The following EPHA3 variants were observed in gnomAD, a reference collection of about 807,000 sequenced individuals.
EPHA3 encodes EPH receptor A3.
A neutral mutation model predicts 107.1 loss-of-function variants in EPHA3; 42 were observed. That is an observed-to-expected ratio of 0.39 (90% CI 0.31 to 0.51). The LOEUF (loss-of-function observed/expected upper bound fraction) is 0.51. Among genes scored for constraint, EPHA3 ranks in the 20% least tolerant of loss-of-function variants. EPHA3 has a pLI of 0.78. For missense variants in EPHA3, 1,183 were observed against 1,211.2 expected (o/e 0.98, Z 0.35); for synonymous variants, 461 against 424.8 (o/e 1.09, Z -1.05).
At chr3:89,383,906 C>G (rs929887269) in intron 5 of EPHA3, among the ~76,000 whole-genome samples, 3 of 151,936 alleles carry the variant, frequency 2.0e-5, no homozygotes, top group Admixed American at 6.6e-5. Context: ...CCTCGGCCCC[C>G]CAAAGTGCTG....
At position 89,181,423 on chromosome 3, in the gene EPHA3, G is replaced by A. The variant is rs547481194; in HGVS notation, c.154-28437G>A. On this transcript the variant is annotated intron_variant, in intron 2 of 16. Coordinates refer to ENST00000336596, the MANE Select transcript of EPHA3 (RefSeq NM_005233.6). ...GTCACATAGCTCAGTTTTGTACACTGATTAAAATATTTGAGAAGCCAGGCA... is the reference window on the plus strand; with the variant it reads ...GTCACATAGCTCAGTTTTGTACACTAATTAAAATATTTGAGAAGCCAGGCA... Among the ~76,000 whole-genome samples, 11 of 151,930 alleles carry A rather than the reference G, an allele frequency of 7.2e-5. No individual in the cohort carries two copies. The South Asian group carries it at 2.1e-3, about 29-fold the overall frequency.
intron 2 of EPHA3, 71 bp downstream of exon 2, chr3:89,127,344 G>A (rs970236954): frequency 2.5e-6 from 3 of 1,221,796 alleles, no homozygotes; most frequent in African/African-American, 3.0e-5. Context: ...TGAATTTATT[G>A]TATTCTCTAA....
chr3:89,427,892 G>T (rs182373434), intron 11 of EPHA3, among the ~76,000 whole-genome samples: 20 of 151,564 alleles, frequency 1.3e-4, no homozygotes, highest in African/African-American at 4.6e-4. Flanking sequence ...TTATATCAAA[G>T]CATCCTTTTT....
intron 13 of EPHA3, among the ~76,000 whole-genome samples, chr3:89,446,346 A>T (rs1709875512): frequency 6.6e-6 from 1 of 152,174 alleles, no homozygotes; most frequent in Non-Finnish European, 1.5e-5. Flanking sequence ...CAACAGAGCA[A>T]AAGAGGATTC....
intron 2 of EPHA3, among the ~76,000 whole-genome samples, chr3:89,160,592 G>A (rs1028405998): frequency 6.7e-5 from 10 of 149,394 alleles, no homozygotes; most frequent in African/African-American, 1.5e-4. Context: ...GTGTGTGTGC[G>A]CGCATTCTTT....
chr3:89,379,626 C>T (rs9864984), intron 5 of EPHA3, among the ~76,000 whole-genome samples: 47,925 of 151,964 alleles, frequency 0.32, 8,545 homozygotes, highest in African/African-American at 0.48. Flanking sequence ...AGTTAGAAAA[C>T]AAAGACTGTG....
At chr3:89,418,778 C>T (rs1709299275) in intron 10 of EPHA3, among the ~76,000 whole-genome samples, 1 of 151,234 alleles carries the variant, frequency 6.6e-6, no homozygotes. Flanking sequence ...CCATATTGGC[C>T]CTCGGTAAAA....
At chr3:89,145,218 A>G (rs930710633) in intron 2 of EPHA3, among the ~76,000 whole-genome samples, 4 of 151,704 alleles carry the variant, frequency 2.6e-5, no homozygotes, top group African/African-American at 9.7e-5. Flanking sequence ...TTTATTTTCT[A>G]TAATTCAAAC....
intron 5 of EPHA3, among the ~76,000 whole-genome samples, chr3:89,384,521 A>G (rs1196911426): frequency 6.6e-6 from 1 of 152,178 alleles, no homozygotes; most frequent in African/African-American, 2.4e-5. Context: ...ATTTTTCTAA[A>G]ACGTTTAGGC....
Position 89,107,638 on chromosome 3 carries a change from CA to C in EPHA3, c.-110del. 1 of 1,013,890 alleles carries C rather than the reference CA, an allele frequency of 9.9e-7. No homozygotes were observed. The highest frequency in any genetic ancestry group is 1.5e-6 in the Non-Finnish European group (1 of 663,610). The allele number at this position is 1,013,890 out of a possible 1,614,324, so 62.8% of individuals were successfully genotyped here. A position where few individuals can be genotyped will look rare whatever the true frequency, so the allele number is the denominator to read the frequency against. On this transcript the variant is annotated 5_prime_UTR_variant, in exon 1 of 17. Coordinates refer to ENST00000336596, the MANE Select transcript of EPHA3 (RefSeq NM_005233.6). ...TTATCTCCAGTGTCAAACTTGACAT[CA>C]GCCTGCGAGCGGAGCATGGTAACTT...
intron 3 of EPHA3, among the ~76,000 whole-genome samples, chr3:89,228,773 T>C (rs1283773056): frequency 6.6e-6 from 1 of 151,866 alleles, no homozygotes; most frequent in Non-Finnish European, 1.5e-5. Context: ...AAACATACAC[T>C]TGATATTGAT....
At chr3:89,231,400 A>G (rs1390161995) in intron 3 of EPHA3, among the ~76,000 whole-genome samples, 2 of 152,200 alleles carry the variant, frequency 1.3e-5, no homozygotes, top group African/African-American at 4.8e-5. Flanking sequence ...CCTAGATTTT[A>G]GGTAAAACCA....
chr3:89,392,709 A>T (rs115317925), intron 5 of EPHA3, among the ~76,000 whole-genome samples: 2,433 of 152,254 alleles, frequency 0.016, 67 homozygotes, highest in African/African-American at 0.055. Flanking sequence ...AATATCATGA[A>T]TTTTTGTACA....
chr3:89,391,421 CT>C (rs758307339), intron 5 of EPHA3, among the ~76,000 whole-genome samples: 129 of 115,972 alleles, frequency 1.1e-3, no homozygotes, highest in Middle Eastern at 4.9e-3. Flanking sequence ...TCTTTCTTTT[CT>C]TTTTTTTTTT....
chr3:89,371,528 A>G (rs779337708), intron 5 of EPHA3, among the ~76,000 whole-genome samples: 7 of 151,706 alleles, frequency 4.6e-5, no homozygotes, highest in Non-Finnish European at 7.4e-5. Flanking sequence ...GTTTATTTGT[A>G]TTCCTTATAA....
chr3:89,187,125 C>T (rs758057709), intron 2 of EPHA3, among the ~76,000 whole-genome samples: 3 of 151,452 alleles, frequency 2.0e-5, no homozygotes, highest in Non-Finnish European at 4.4e-5. Flanking sequence ...AATTTTTATC[C>T]TCACGAATAT....
intron 15 of EPHA3, among the ~76,000 whole-genome samples, chr3:89,456,403 C>CA (rs1710098257): frequency 6.6e-6 from 1 of 151,922 alleles, no homozygotes; most frequent in South Asian, 2.1e-4. Context: ...GATGTTTCTT[C>CA]AGTCTTTCTG....
chr3:89,281,004 A>ATTTTTTTTTTTTTTATTTAT (rs71105126), intron 3 of EPHA3, among the ~76,000 whole-genome samples: 4 of 147,280 alleles, frequency 2.7e-5, no homozygotes, highest in African/African-American at 1.0e-4. Flanking sequence ...CAAGATTTTT[A>ATTTTTTTTTTTTTTATTTAT]TTATTTATTT....
intron 3 of EPHA3, among the ~76,000 whole-genome samples, chr3:89,231,882 C>T (rs1300014358): frequency 3.3e-5 from 5 of 152,102 alleles, no homozygotes; most frequent in African/African-American, 4.8e-5. Context: ...GAAGAATGGA[C>T]AGTCATGTAG....
Sources: allele counts gnomAD v4.1 joint callset (sites outside exome capture counted in the v4.1 genomes callset), GRCh38; gene constraint gnomAD v4.1.1; transcripts MANE v1.5; gene names NCBI Gene and HGNC (gene_info 2026-07-23, HGNC 2026-07-21).